PIAS1: variants seen among roughly 807,000 people sequenced by gnomAD.
The protein encoded by PIAS1 is protein inhibitor of activated STAT 1.
In PIAS1, 6 loss-of-function variants were observed where a neutral mutation model predicts 71.3. The observed-to-expected ratio is 0.08, with a 90% CI of 0.05 to 0.17. The LOEUF (loss-of-function observed/expected upper bound fraction) is 0.17. Ranked by LOEUF, PIAS1 falls within the 10% of genes least tolerant of loss-of-function variation. The pLI is 1.00. For missense variants in PIAS1, 555 were observed against 793.6 expected, an observed-to-expected ratio of 0.70 and a Z score of 3.61; for synonymous variants, 303 against 292.9, an observed-to-expected ratio of 1.03 and a Z score of -0.35.
Position 68,190,804 on chromosome 15 carries a change from A to G in PIAS1, c.*2969A>G, listed in dbSNP as rs1466108099. On this transcript the variant is annotated 3_prime_UTR_variant, in exon 14 of 14. Coordinates refer to ENST00000249636, the MANE Select transcript of PIAS1 (RefSeq NM_016166.3). This position sits in a 1 kb window ranked among gnomAD's most constrained non-coding sequence, Gnocchi z 4.7. ...AGAACCATGCCATACTTGGTTGACT[A>G]TTTTGAGCATTAAAATTGCTTTACT... 1.3e-5 allele frequency: 2 copies of G among 152,136 alleles called. No individual in the cohort carries two copies. Among genetic ancestry groups the G allele is most frequent in the Non-Finnish European group, 2.9e-5 (2 of 68,034 alleles). 9.4% of individuals were successfully genotyped at this position (152,136 alleles called of 1,614,324 possible). A position where few individuals can be genotyped will look rare whatever the true frequency, so the allele number is the denominator to read the frequency against.
intron 10 of PIAS1, 52 bp from the exon 11 acceptor site, chr15:68,176,420 AAG>A: frequency 8.3e-7 from 1 of 1,203,410 alleles, no homozygotes; most frequent in Non-Finnish European, 1.1e-6. Context: ...ACACTGAGAA[AAG>A]AGAGATGTCA....
chr15:68,179,856 G>A (rs1329160594), intron 11 of PIAS1, among the ~76,000 whole-genome samples: 1 of 151,912 alleles, frequency 6.6e-6, no homozygotes, highest in Non-Finnish European at 1.5e-5. Context: ...GGGATTACAG[G>A]TGTGAGCCAC....
intron 2 of PIAS1, among the ~76,000 whole-genome samples, chr15:68,139,071 A>G (rs1402750079): frequency 6.6e-6 from 1 of 152,156 alleles, no homozygotes; most frequent in African/African-American, 2.4e-5. Flanking sequence ...TCAATATGTT[A>G]CTCATTTACA....
intron 2 of PIAS1, among the ~76,000 whole-genome samples, chr15:68,115,237 G>A (rs913574995): frequency 1.3e-5 from 2 of 152,054 alleles, no homozygotes; most frequent in African/African-American, 4.8e-5. Context: ...AGCTCCTTTA[G>A]GTAAATACTA....
chr15:68,059,000 CTTT>C (rs35348345), intron 1 of PIAS1, among the ~76,000 whole-genome samples: 5 of 84,908 alleles, frequency 5.9e-5, no homozygotes, highest in African/African-American at 2.3e-4. Flanking sequence ...GATTATTCTA[CTTT>C]TTTTTTTTTT....
intron 6 of PIAS1, among the ~76,000 whole-genome samples, chr15:68,151,461 C>T (rs778077826): frequency 2.0e-5 from 3 of 151,808 alleles, no homozygotes; most frequent in African/African-American, 7.3e-5. Flanking sequence ...AGCATTTCTC[C>T]AGTTTCTGTC....
chr15:68,113,904 T>C (rs1308917472), intron 2 of PIAS1, among the ~76,000 whole-genome samples: 1 of 152,092 alleles, frequency 6.6e-6, no homozygotes, highest in Non-Finnish European at 1.5e-5. Context: ...TAATTTTTGT[T>C]GTACTCCAAA....
Position 68,175,652 on chromosome 15 carries a change from C to A in PIAS1, c.1185C>A (p.Ile395=). 3 of 1,514,974 alleles carry A rather than the reference C, an allele frequency of 2.0e-6. No individual in the cohort carries two copies. The highest frequency in any genetic ancestry group is 1.3e-5 in the South Asian group (1 of 77,120). The allele number at this position is 1,514,974 out of a possible 1,614,324, so 93.8% of individuals were successfully genotyped here. ...HLIIDGLFME[I]LKYCTDCDEI... is the part of the protein sequence containing the mutation. Reference sequence around the variant, plus strand: ...TTTCTTATAGCTTGTTTATGGAAATCCTAAAGTACTGTACAGACTGTGATG... The same window carrying A: ...TTTCTTATAGCTTGTTTATGGAAATACTAAAGTACTGTACAGACTGTGATG... Residue 395 remains isoleucine, a synonymous_variant, in exon 10 of 14, where the codon ATC becomes ATA. Coordinates refer to ENST00000249636, the MANE Select transcript of PIAS1 (RefSeq NM_016166.3).
chr15:68,111,199 G>T (rs2092520361), intron 2 of PIAS1, among the ~76,000 whole-genome samples: 2 of 152,180 alleles, frequency 1.3e-5, no homozygotes. Flanking sequence ...CAGTAGATGG[G>T]CTATCCCTGG....
At chr15:68,100,111 A>C (rs927493974) in intron 2 of PIAS1, among the ~76,000 whole-genome samples, 4 of 152,272 alleles carry the variant, frequency 2.6e-5, no homozygotes, top group East Asian at 1.9e-4. Context: ...AAAAAAAAAA[A>C]AAACACCTTT....
chr15:68,064,180 G>A (rs904302399), intron 1 of PIAS1, among the ~76,000 whole-genome samples: 25 of 152,128 alleles, frequency 1.6e-4, no homozygotes, highest in Non-Finnish European at 3.2e-4. Context: ...TAGGGTATTT[G>A]GCATACATTT....
intron 11 of PIAS1, 46 bp downstream of exon 11, chr15:68,176,700 C>A (rs2093022297): frequency 1.5e-6 from 2 of 1,336,586 alleles, no homozygotes; most frequent in East Asian, 2.4e-5. Flanking sequence ...TGAAAATTAA[C>A]TTGGCAAATA....
At position 68,173,859 on chromosome 15, in the gene PIAS1, A is replaced by C. The variant is rs759908870; in HGVS notation, c.1136A>C (p.Lys379Thr). Residue 379 changes from lysine (K) to threonine (T), a missense_variant, in exon 9 of 14, where the codon AAG becomes ACG. Coordinates refer to ENST00000249636, the MANE Select transcript of PIAS1 (RefSeq NM_016166.3). This position sits in a 1 kb window ranked among gnomAD's most constrained non-coding sequence, Gnocchi z 4.3. ...ACCTGGGTTTGTCCTGTCTGTGATA[A>C]GAAGGCTCCATATGAACACCTTATT... ...KPTWVCPVCD[K>T]KAPYEHLIID... 1 of 1,585,006 alleles carries C rather than the reference A, an allele frequency of 6.3e-7. No individual in the cohort carries two copies. Among genetic ancestry groups the C allele is most frequent in the South Asian group, 1.1e-5 (1 of 87,118 alleles).
chr15:68,055,689 A>C, intron 1 of PIAS1: 1 of 422,884 alleles, frequency 2.4e-6, no homozygotes, highest in Non-Finnish European at 4.2e-6. Context: ...CATCTCTGTC[A>C]GAGAGGAGAT....
intron 2 of PIAS1, among the ~76,000 whole-genome samples, chr15:68,135,377 A>C (rs866636864): frequency 0.033 from 467 of 14,162 alleles, 1 homozygote; most frequent in Middle Eastern, 0.045. Flanking sequence ...GCTGACCCCC[A>C]CACCGCCCTC....
At chr15:68,096,881 TTTTAAA>T (rs1451259451) in intron 2 of PIAS1, among the ~76,000 whole-genome samples, 1 of 152,192 alleles carries the variant, frequency 6.6e-6, no homozygotes, top group Non-Finnish European at 1.5e-5. Context: ...TTTTACTTCT[TTTTAAA>T]TTTGAATGCC....
At position 68,189,871 on chromosome 15, in the gene PIAS1, CTAA is replaced by C. The variant is rs1455383694; in HGVS notation, c.*2039_*2041del. The stretch of plus-strand genomic sequence containing the variant: ...ATGTCGTATTAATTTAGGCTAATTT[CTAA>C]TACTACCATAATTTGTGTCTAAATT... On this transcript the variant is annotated 3_prime_UTR_variant, in exon 14 of 14. Transcript: ENST00000249636. 1 of 152,104 alleles carries C rather than the reference CTAA, an allele frequency of 6.6e-6. No homozygotes were observed. Among genetic ancestry groups the C allele is most frequent in the African/African-American group, 2.4e-5 (1 of 41,418 alleles). 9.4% of individuals were successfully genotyped at this position (152,104 alleles called of 1,614,324 possible).
At chr15:68,120,794 A>G (rs1328635797) in intron 2 of PIAS1, among the ~76,000 whole-genome samples, 1 of 152,136 alleles carries the variant, frequency 6.6e-6, no homozygotes, top group African/African-American at 2.4e-5. Context: ...AGCTGGGATT[A>G]CAGGCACCCG....
intron 2 of PIAS1, among the ~76,000 whole-genome samples, chr15:68,109,856 G>A (rs2092506752): frequency 6.6e-6 from 1 of 152,160 alleles, no homozygotes; most frequent in Admixed American, 6.5e-5. Flanking sequence ...CACAAGAAAT[G>A]TCTACTCACT....
Sources: gnomAD v4.1 joint callset for allele counts (sites outside exome capture counted in the v4.1 genomes callset) on GRCh38, gnomAD v4.1.1 for gene constraint, Gnocchi (gnomAD v3.1) non-coding constraint, MANE v1.5 for transcripts, NCBI Gene and HGNC (gene_info 2026-07-23, HGNC 2026-07-21) for gene names.